The following GMEB2 variants were observed in gnomAD, a reference collection of about 807,000 sequenced individuals.
GMEB2 encodes glucocorticoid modulatory element binding protein 2, also known as glucocorticoid modulatory element-binding protein 2.
Under a neutral mutation model 45.7 loss-of-function variants are expected in GMEB2, and 7 were observed. The ratio of observed to expected loss-of-function variants is 0.15; its 90% CI spans 0.09 to 0.29. The LOEUF (loss-of-function observed/expected upper bound fraction) is 0.29, where lower values mean the gene tolerates loss of function less well. GMEB2 is among the 10% of genes least tolerant of loss of function. The pLI is 1.00. For missense variants in GMEB2, 582 were observed against 739.2 expected, an observed-to-expected ratio of 0.79 and a Z score of 2.47; for synonymous variants, 322 against 323.6, an observed-to-expected ratio of 1.00 and a Z score of 0.05.
chr20:63,621,697 A>AT (rs2089643494), intron 1 of GMEB2, among the ~76,000 whole-genome samples: 1 of 144,828 alleles, frequency 6.9e-6, no homozygotes, highest in Admixed American at 6.8e-5. Context: ...AAAAAAAAAA[A>AT]GTTTAAAATG....
chr20:63,611,790 G>A (rs1433417860), intron 2 of GMEB2, among the ~76,000 whole-genome samples: 1 of 151,882 alleles, frequency 6.6e-6, no homozygotes, highest in East Asian at 1.9e-4. Context: ...GGCTGAGGTG[G>A]GAGGACTGCT....
chr20:63,620,836 C>T (rs948685284), intron 1 of GMEB2, among the ~76,000 whole-genome samples: 2 of 152,058 alleles, frequency 1.3e-5, no homozygotes, highest in South Asian at 2.1e-4. Context: ...ATCCAGAACA[C>T]GATCAAACTT....
At chr20:63,609,519 C>CA (rs557519014) in intron 2 of GMEB2, among the ~76,000 whole-genome samples, 3 of 27,390 alleles carry the variant, frequency 1.1e-4, no homozygotes, top group Admixed American at 4.5e-4. Flanking sequence ...CCCTCTGACC[C>CA]CACCTCCATT....
chr20:63,597,606 G>A, intron 5 of GMEB2, 151 bp downstream of exon 5: 1 of 607,428 alleles, frequency 1.6e-6, no homozygotes, highest in South Asian at 1.9e-5. Context: ...TACAGTTTTG[G>A]GTGTGAGCAG....
intron 1 of GMEB2, among the ~76,000 whole-genome samples, chr20:63,626,246 T>A (rs2089670939): frequency 6.6e-6 from 1 of 150,846 alleles, no homozygotes; most frequent in Admixed American, 6.6e-5. Flanking sequence ...GCGGGTCGCG[T>A]CCCTGCGAGT....
At chr20:63,626,230 A>ATCCCTGTGGGTCTCGTCCCTGCGGGGTGG (rs1555895482) in intron 1 of GMEB2, among the ~76,000 whole-genome samples, 1 of 146,762 alleles carries the variant, frequency 6.8e-6, no homozygotes, top group African/African-American at 2.5e-5. Context: ...CAGTGGGGTG[A>ATCCCTGTGGGTCTCGTCCCTGCGGGGTGG]TCCCTGCGGG....
chr20:63,626,232 C>CCCTGTGGGTCTCGTCCCTGTGGGGTGGTA lies in GMEB2; in HGVS notation c.-58+723_-58+724insTACCACCCCACAGGGACGAGACCCACAGG, dbSNP rs1397231592. ...TGAGAGTGGGTCCCAGTGGGGTGAT[C>CCCTGTGGGTCTCGTCCCTGTGGGGTGGTA]CCTGCGGGTCGCGTCCCTGCGAGTT... On this transcript the variant is annotated intron_variant, in intron 1 of 9. Coordinates refer to ENST00000370077, the MANE Select transcript of GMEB2 (RefSeq NM_012384.5). Among the ~76,000 whole-genome samples the CCCTGTGGGTCTCGTCCCTGTGGGGTGGTA allele has an allele frequency of 2.6e-5, 4 of 151,474 alleles. No individual in the cohort carries two copies. The East Asian group carries it at 7.8e-4, about 30-fold the overall frequency.
chr20:63,612,339 C>G (rs2089577209), intron 2 of GMEB2, among the ~76,000 whole-genome samples: 1 of 152,144 alleles, frequency 6.6e-6, no homozygotes, highest in Non-Finnish European at 1.5e-5. Flanking sequence ...TGGAGCCCGT[C>G]CTGTCTTGTC....
intron 2 of GMEB2, among the ~76,000 whole-genome samples, chr20:63,606,970 G>A (rs2089524515): frequency 6.6e-6 from 1 of 152,200 alleles, no homozygotes; most frequent in Non-Finnish European, 1.5e-5. Context: ...GGACTCCAAT[G>A]GAGTCGTTGG....
chr20:63,616,072 T>C (rs535565783), intron 2 of GMEB2, among the ~76,000 whole-genome samples: 1 of 152,348 alleles, frequency 6.6e-6, no homozygotes, highest in Admixed American at 6.5e-5. Flanking sequence ...TTTTCTACCA[T>C]ATATATTTTG....
rs1453776513 is a variant in GMEB2 at position 63,589,862 on chromosome 20, A to G, written c.*227T>C. On this transcript the variant is annotated 3_prime_UTR_variant, in exon 10 of 10. Transcript: ENST00000370077. ...AGATGGAAAAATATATTTCCCAAGAAAAAAGGGGGAGGAAACGTGGGACCT... is the reference window on the plus strand; with the variant it reads ...AGATGGAAAAATATATTTCCCAAGAGAAAAGGGGGAGGAAACGTGGGACCT... 4 of 426,536 alleles carry G rather than the reference A, an allele frequency of 9.4e-6. No individual in the cohort carries two copies. Among genetic ancestry groups the G allele is most frequent in the Non-Finnish European group, 1.7e-5 (4 of 242,040 alleles). 26.4% of individuals were successfully genotyped at this position (426,536 alleles called of 1,614,324 possible). A position where few individuals can be genotyped will look rare whatever the true frequency, so the allele number is the denominator to read the frequency against.
At chr20:63,600,067 A>C (rs1473820061) in intron 4 of GMEB2, among the ~76,000 whole-genome samples, 2 of 151,488 alleles carry the variant, frequency 1.3e-5, no homozygotes, top group African/African-American at 2.4e-5. Flanking sequence ...TTTGAGATGG[A>C]GTCTCACTCT....
chr20:63,592,159 C>T lies in GMEB2; in HGVS notation c.830-15G>A, dbSNP rs369708783. ...AAGTACAGCATCTTAAAGGGTAACG[C>T]GGACACTCAGTGAGAGCCCAAGCCC... On this transcript the variant is annotated splice_polypyrimidine_tract_variant and intron_variant, in intron 8 of 9. Transcript: ENST00000370077. The surrounding 1 kb of genome is among the most constrained non-coding windows in gnomAD (Gnocchi z 8.2). 2.2e-5 allele frequency: 35 copies of T among 1,610,508 alleles called. 1 individual carries two copies. The highest frequency in any genetic ancestry group is 5.3e-5 in the African/African-American group (4 of 74,906).
intron 4 of GMEB2, among the ~76,000 whole-genome samples, chr20:63,598,524 G>C (rs997126635): frequency 6.6e-6 from 1 of 152,192 alleles, no homozygotes; most frequent in Non-Finnish European, 1.5e-5. Flanking sequence ...CATTTACTTA[G>C]AAAACAAGCA....
chr20:63,604,467 A>G (rs2089502979), intron 3 of GMEB2, among the ~76,000 whole-genome samples: 1 of 152,224 alleles, frequency 6.6e-6, no homozygotes, highest in African/African-American at 2.4e-5. Flanking sequence ...GTGAGAAGAA[A>G]ACAAAATCCA....
intron 2 of GMEB2, among the ~76,000 whole-genome samples, chr20:63,607,439 A>C (rs1191346432): frequency 2.9e-4 from 3 of 10,330 alleles, no homozygotes; most frequent in East Asian, 8.8e-4. Context: ...CCCTGACCCC[A>C]CCTCCATTTC....
In GMEB2 at chr20:63,604,733, G is replaced by T; in HGVS notation, c.229+10C>A. ...AGAAGGCAGACTTCCCACCTAGGAC[G>T]GCTTCCTACCTAACACGGCTTCCTT... On this transcript the variant is annotated intron_variant, in intron 3 of 9. Transcript: ENST00000370077. 2.6e-6 allele frequency: 4 copies of T among 1,527,212 alleles called. No homozygotes were observed. Among genetic ancestry groups the T allele is most frequent in the Non-Finnish European group, 3.6e-6 (4 of 1,100,526 alleles). The allele number at this position is 1,527,212 out of a possible 1,614,324, so 94.6% of individuals were successfully genotyped here. A position where few individuals can be genotyped will look rare whatever the true frequency, so the allele number is the denominator to read the frequency against.
intron 4 of GMEB2, among the ~76,000 whole-genome samples, chr20:63,599,157 A>T (rs2083222487): frequency 1.3e-5 from 2 of 150,588 alleles, no homozygotes; most frequent in Non-Finnish European, 3.0e-5. Context: ...GCCGCTCCTG[A>T]CCCTCCAGCG....
chr20:63,604,431 A>G (rs536111856), intron 3 of GMEB2, among the ~76,000 whole-genome samples: 1 of 152,350 alleles, frequency 6.6e-6, no homozygotes, highest in South Asian at 2.1e-4. Context: ...ATAAACAGAC[A>G]CAGGCAAAAC....
Sources: gnomAD v4.1 joint callset for allele counts (sites outside exome capture counted in the v4.1 genomes callset) on GRCh38, gnomAD v4.1.1 for gene constraint, Gnocchi (gnomAD v3.1) non-coding constraint, MANE v1.5 for transcripts, NCBI Gene and HGNC (gene_info 2026-07-23, HGNC 2026-07-21) for gene names.